CWH43: variants seen among roughly 807,000 people sequenced by gnomAD.
The protein encoded by CWH43 is cell wall biogenesis 43 C-terminal homolog.
CWH43 carries 91 observed loss-of-function variants against 85.7 expected under a neutral mutation model. The ratio of observed to expected loss-of-function variants is 1.06; its 90% CI spans 0.90 to 1.26. CWH43 has a LOEUF of 1.26. Among genes scored for constraint, CWH43 ranks in the 50% most tolerant of loss-of-function variants. The probability of loss-of-function intolerance (pLI) is 0.00; values close to 1 mark genes in which losing one functional copy is unlikely to be tolerated. For synonymous variants in CWH43, 323 were observed against 293.6 expected, an observed-to-expected ratio of 1.10 and a Z score of -1.02; for missense variants, 869 against 839.2, an observed-to-expected ratio of 1.04 and a Z score of -0.44.
At chr4:48,994,525 A>G in intron 4 of CWH43, 94 bp from the exon 5 acceptor site, 1 of 1,059,046 alleles carries the variant, frequency 9.4e-7, no homozygotes, top group Non-Finnish European at 1.4e-6. Context: ...CTTGAAGCCA[A>G]ATACCATTTC....
chr4:49,058,750 A>G (rs1329224748), intron 15 of CWH43, among the ~76,000 whole-genome samples: 4 of 152,216 alleles, frequency 2.6e-5, no homozygotes, highest in Non-Finnish European at 5.9e-5. Flanking sequence ...CTTGGTAGGC[A>G]GTTGCTTTCT....
At chr4:49,006,875 A>C (rs1370401193) in intron 7 of CWH43, among the ~76,000 whole-genome samples, 1 of 152,136 alleles carries the variant, frequency 6.6e-6, no homozygotes, top group Non-Finnish European at 1.5e-5. Context: ...AGCTCAGAAG[A>C]CTTCACTGTC....
intron 4 of CWH43, among the ~76,000 whole-genome samples, 183 bp from the exon 5 acceptor site, chr4:48,994,436 G>A (rs1343172730): frequency 6.6e-6 from 1 of 152,162 alleles, no homozygotes; most frequent in Non-Finnish European, 1.5e-5. Flanking sequence ...ATGGAATTAT[G>A]TCTCCCACTA....
At chr4:49,058,415 A>G (rs1471711648) in intron 15 of CWH43, among the ~76,000 whole-genome samples, 1 of 152,182 alleles carries the variant, frequency 6.6e-6, no homozygotes, top group Non-Finnish European at 1.5e-5. Flanking sequence ...TGTATTTTAT[A>G]TATCATGTAC....
chr4:49,052,575 G>A (rs1488909363), intron 15 of CWH43, among the ~76,000 whole-genome samples: 2 of 152,144 alleles, frequency 1.3e-5, no homozygotes, highest in Non-Finnish European at 2.9e-5. Context: ...GAGAAGAAAA[G>A]GATTTTCTTG....
At chr4:49,005,061 G>A (rs1222213242) in intron 7 of CWH43, among the ~76,000 whole-genome samples, 1 of 152,006 alleles carries the variant, frequency 6.6e-6, no homozygotes, top group African/African-American at 2.4e-5. Context: ...GAAAAAACAT[G>A]TTAATAAGGG....
chr4:48,987,569 T>G (rs1782534486), intron 1 of CWH43, among the ~76,000 whole-genome samples: 1 of 152,116 alleles, frequency 6.6e-6, no homozygotes, highest in South Asian at 2.1e-4. Flanking sequence ...CTTAGTTAGT[T>G]TTTGCATTTA....
rs1242771238 is a variant in CWH43, at chr4:49,016,732, C to A, written c.1187-517C>A. 3.2e-5 allele frequency: 25 copies of A among 776,682 alleles called. No individual in the cohort carries two copies. The East Asian group carries it at 6.1e-4, about 19-fold the overall frequency. 48.1% of individuals were successfully genotyped at this position (776,682 alleles called of 1,614,324 possible). A position where few individuals can be genotyped will look rare whatever the true frequency, so the allele number is the denominator to read the frequency against. ...ATGACCTTTGCCTGCTCGAAAACAA[C>A]CTTCTCAGTGATGCCAGCTTCCCTT... On this transcript the variant is annotated intron_variant, in intron 8 of 15. Transcript: ENST00000226432.
chr4:49,002,173 C>T (rs1246532727), intron 6 of CWH43, among the ~76,000 whole-genome samples: 2 of 152,016 alleles, frequency 1.3e-5, no homozygotes, highest in Non-Finnish European at 2.9e-5. Context: ...TGCCCCTTGA[C>T]ATAAGAGTTG....
In CWH43 at chr4:49,038,195, A is replaced by G. The variant is rs1450852850; in HGVS notation, c.1803+15A>G. The stretch of plus-strand genomic sequence containing the variant: ...GCAATGTGAAGGTAACATAATCTTA[A>G]TAGGATTTCTAATTTATTAAGTAAA... On this transcript the variant is annotated intron_variant, in intron 13 of 15. Transcript: ENST00000226432. 1 of 1,523,182 alleles carries G rather than the reference A, an allele frequency of 6.6e-7. No homozygotes were observed. Among genetic ancestry groups the G allele is most frequent in the Non-Finnish European group, 8.8e-7 (1 of 1,132,944 alleles). The allele number at this position is 1,523,182 out of a possible 1,614,324, so 94.4% of individuals were successfully genotyped here.
At chr4:49,030,067 C>G (rs1202837525) in intron 10 of CWH43, among the ~76,000 whole-genome samples, 4 of 152,128 alleles carry the variant, frequency 2.6e-5, no homozygotes, top group Non-Finnish European at 5.9e-5. Flanking sequence ...ACAAGAAATA[C>G]CCACAGGTGT....
chr4:49,037,290 G>A (rs1353804219), intron 12 of CWH43, among the ~76,000 whole-genome samples: 1 of 152,182 alleles, frequency 6.6e-6, no homozygotes, highest in South Asian at 2.1e-4. Context: ...GTTCAGTTGG[G>A]CTGGGCGCAG....
intron 13 of CWH43, among the ~76,000 whole-genome samples, chr4:49,044,496 G>A (rs1308732970): frequency 6.6e-6 from 1 of 152,174 alleles, no homozygotes. Context: ...AAGCTGCCAG[G>A]AGTCAGGGGC....
chr4:49,030,343 C>A (rs555153938), intron 10 of CWH43, among the ~76,000 whole-genome samples: 3 of 152,236 alleles, frequency 2.0e-5, no homozygotes, highest in African/African-American at 4.8e-5. Context: ...GGATGTAATA[C>A]CACTAAGACA....
At position 49,030,921 on chromosome 4, in the gene CWH43, A is replaced by G. The variant is rs1413312211; in HGVS notation, c.1469A>G (p.Tyr490Cys). 17 of 1,610,572 alleles carry G rather than the reference A, an allele frequency of 1.1e-5. No individual in the cohort carries two copies. The highest frequency in any genetic ancestry group is 3.4e-5 in the Admixed American group (2 of 59,432). Residue 490 changes from tyrosine to cysteine, a missense_variant, in exon 11 of 16, where the codon TAT becomes TGT. Coordinates refer to ENST00000226432, the MANE Select transcript of CWH43 (RefSeq NM_025087.3). ...TGGCTAGGGGAAAAGTTGGGTTTCT[A>G]TACAGACTTTGGTCCAAGCACAAGG... ...TMWLGEKLGF[Y>C]TDFGPSTRYH...
In CWH43 at chr4:48,991,439, C is replaced by T. The variant is rs776976565; in HGVS notation, c.236-15C>T. 4 of 1,613,606 alleles carry T rather than the reference C, an allele frequency of 2.5e-6. No homozygotes were observed. Among genetic ancestry groups the T allele is most frequent in the Non-Finnish European group, 3.4e-6 (4 of 1,179,778 alleles). On this transcript the variant is annotated splice_polypyrimidine_tract_variant and intron_variant, in intron 2 of 15. Transcript: ENST00000226432. ...ACTTGCCAGAAATGCTTAGCTCTCC[C>T]TATTTTGTTTGTAGGCAGCATAGCC...
chr4:49,017,369 T>A (rs763446631), intron 9 of CWH43, 41 bp downstream of exon 9: 1 of 1,333,592 alleles, frequency 7.5e-7, no homozygotes, highest in Non-Finnish European at 1.1e-6. Context: ...TTATATGGTA[T>A]ATATATGTGC....
chr4:49,044,362 G>C (rs1366392877), intron 13 of CWH43, among the ~76,000 whole-genome samples: 1 of 152,172 alleles, frequency 6.6e-6, no homozygotes, highest in African/African-American at 2.4e-5. Context: ...CCTCTGTGCA[G>C]GTGTGGGAGG....
At chr4:49,046,371 A>T (rs560909407) in intron 14 of CWH43, among the ~76,000 whole-genome samples, 1 of 152,064 alleles carries the variant, frequency 6.6e-6, no homozygotes, top group African/African-American at 2.4e-5. Flanking sequence ...AATCCTCTTT[A>T]TGTACTGGGT....
Sources: allele counts gnomAD v4.1 joint callset (sites outside exome capture counted in the v4.1 genomes callset), GRCh38; gene constraint gnomAD v4.1.1; transcripts MANE v1.5; gene names NCBI Gene and HGNC (gene_info 2026-07-23, HGNC 2026-07-21).